The following CPM variants were observed in gnomAD, a reference collection of about 807,000 sequenced individuals.
CPM encodes carboxypeptidase M.
In CPM, 35 loss-of-function variants were observed where a neutral mutation model predicts 46.4. That is an observed-to-expected ratio of 0.75 (90% CI 0.58 to 1.00). CPM has a LOEUF of 1.00. CPM is among the 50% of genes least tolerant of loss of function. The probability of loss-of-function intolerance (pLI) is 0.00; values close to 1 mark genes in which losing one functional copy is unlikely to be tolerated. For missense variants in CPM, 422 were observed against 530.4 expected (o/e 0.80, Z 2.01); for synonymous variants, 195 against 195.3 (o/e 1.00, Z 0.01).
chr12:68,869,791 TA>T (rs1344034014), intron 5 of CPM, among the ~76,000 whole-genome samples: 2 of 152,144 alleles, frequency 1.3e-5, no homozygotes, highest in Admixed American at 6.5e-5. Context: ...TTAGGTATTA[TA>T]GGGGTGAATA....
chr12:68,889,893 C>T lies in CPM; in HGVS notation c.161-4004G>A, dbSNP rs368844539. The stretch of plus-strand genomic sequence containing the variant: ...ACCTACCCTGGACGAAGACATGTAC[C>T]CCTGATCGAGAAACAGGCCACCTGG... On this transcript the variant is annotated intron_variant, in intron 2 of 8. Coordinates refer to ENST00000551568, the MANE Select transcript of CPM (RefSeq NM_198320.5). Among the ~76,000 whole-genome samples the T allele has an allele frequency of 1.1e-4, 16 of 152,240 alleles. No individual in the cohort carries two copies. The East Asian group carries it at 2.3e-3, about 22-fold the overall frequency.
Position 68,931,763 on chromosome 12 carries a change from A to AAAAGAAAG in CPM, c.160+907_160+914dup, listed in dbSNP as rs1287718409. ...TCTGACCAAAAAAAAAAAAAAAAAA[A>AAAAGAAAG]AAAGAAAGAAAGAAAGAAAGAAAGA... is the stretch of plus-strand genomic sequence containing the variant. On this transcript the variant is annotated intron_variant, in intron 2 of 8. Transcript: ENST00000551568. Among the ~76,000 whole-genome samples the AAAAGAAAG allele has an allele frequency of 1.6e-3, 214 of 132,498 alleles. 1 individual carries two copies. Among genetic ancestry groups the AAAAGAAAG allele is most frequent in the Middle Eastern group, 4.1e-3 (1 of 246 alleles). The allele number at this position is 132,498 out of a possible 152,430, so 86.9% of individuals were successfully genotyped here. A position where few individuals can be genotyped will look rare whatever the true frequency, so the allele number is the denominator to read the frequency against.
intron 1 of CPM, among the ~76,000 whole-genome samples, chr12:68,958,818 G>A (rs987273938): frequency 1.4e-4 from 21 of 151,904 alleles, no homozygotes; most frequent in East Asian, 3.9e-4. Flanking sequence ...AACTATCCCC[G>A]CCTGCCTCTC....
chr12:68,882,354 T>G (rs1886232849), intron 3 of CPM, among the ~76,000 whole-genome samples: 1 of 152,114 alleles, frequency 6.6e-6, no homozygotes, highest in Admixed American at 6.6e-5. Context: ...GATTTTCTGT[T>G]TAGTTTGCTT....
At chr12:68,948,315 G>A (rs1888879835) in intron 1 of CPM, among the ~76,000 whole-genome samples, 1 of 152,178 alleles carries the variant, frequency 6.6e-6, no homozygotes, top group African/African-American at 2.4e-5. Flanking sequence ...TATCATTCGT[G>A]AGGAAGATGG....
chr12:68,939,142 T>C (rs561703091), intron 1 of CPM, among the ~76,000 whole-genome samples: 74 of 145,834 alleles, frequency 5.1e-4, no homozygotes, highest in Non-Finnish European at 9.3e-4. Flanking sequence ...TATATGTACA[T>C]ATATCTATAA....
chr12:68,924,107 C>T (rs909184827), intron 2 of CPM, among the ~76,000 whole-genome samples: 4 of 143,210 alleles, frequency 2.8e-5, no homozygotes, highest in Non-Finnish European at 6.0e-5. Flanking sequence ...CTCAGGAGTT[C>T]GAGACCAGCC....
Position 68,906,501 on chromosome 12 carries a change from T to A in CPM, c.161-20612A>T, listed in dbSNP as rs111537403. On this transcript the variant is annotated intron_variant, in intron 2 of 8. Transcript: ENST00000551568. ...AGAGCTCACTGTAGATTTTGTTTTT[T>A]TTTTGAGAGACAAAGTCTCACTCTG... is the stretch of plus-strand genomic sequence containing the variant. Among the ~76,000 whole-genome samples, 365 of 152,140 alleles carry A rather than the reference T, an allele frequency of 2.4e-3. 2 individuals carry two copies. Among genetic ancestry groups the A allele is most frequent in the African/African-American group, 8.3e-3 (343 of 41,488 alleles).
intron 3 of CPM, among the ~76,000 whole-genome samples, chr12:68,878,782 T>C (rs778076282): frequency 5.9e-5 from 9 of 152,240 alleles, no homozygotes; most frequent in Admixed American, 2.0e-4. Flanking sequence ...AATGAACCTG[T>C]TGGGCAGTTA....
At chr12:68,870,154 CAG>C (rs1885627005) in intron 5 of CPM, 59 bp downstream of exon 5, 2 of 1,516,284 alleles carry the variant, frequency 1.3e-6, no homozygotes, top group South Asian at 1.2e-5. Context: ...CATCCAGAGG[CAG>C]AGAGTTTTCA....
upstream of CPM, among the ~76,000 whole-genome samples, chr12:68,935,671 C>T (rs1888662934): frequency 1.3e-5 from 2 of 151,412 alleles, no homozygotes; most frequent in South Asian, 4.2e-4. Flanking sequence ...AGTCACTATG[C>T]TAAATGTTAT....
intron 1 of CPM, among the ~76,000 whole-genome samples, chr12:68,960,465 T>C (rs1889092256): frequency 6.6e-6 from 1 of 152,200 alleles, no homozygotes; most frequent in Admixed American, 6.5e-5. Context: ...AGTGTTAGTA[T>C]TGCAGTGCTC....
rs139491542 is a variant in CPM at position 68,951,222 on chromosome 12, A to T, written c.-4+11947T>A. Among the ~76,000 whole-genome samples the T allele has an allele frequency of 1.5e-3, 235 of 152,366 alleles. 2 individuals carry two copies. Among genetic ancestry groups the T allele is most frequent in the South Asian group, 0.015 (74 of 4,830 alleles). Reference sequence around the variant, plus strand: ...ATCCTTTCCTTTTAGGATTGTTGTGATATAATAAATAAAAATCACTTAACA... The same window carrying T: ...ATCCTTTCCTTTTAGGATTGTTGTGTTATAATAAATAAAAATCACTTAACA... On this transcript the variant is annotated intron_variant, in intron 1 of 8. Transcript: ENST00000546373.
At chr12:68,864,909 G>T (rs1885369018) in intron 7 of CPM, among the ~76,000 whole-genome samples, 1 of 152,148 alleles carries the variant, frequency 6.6e-6, no homozygotes, top group Admixed American at 6.5e-5. Flanking sequence ...CTACTTACTT[G>T]GGACACTGAG....
At chr12:68,859,166 T>C in intron 7 of CPM, 95 bp from the exon 8 acceptor site, 1 of 649,210 alleles carries the variant, frequency 1.5e-6, no homozygotes, top group Non-Finnish European at 2.2e-6. Context: ...CAATATTTAT[T>C]AGCTAACTCA....
At chr12:68,931,523 T>C (rs1888498953) in intron 2 of CPM, among the ~76,000 whole-genome samples, 1 of 151,550 alleles carries the variant, frequency 6.6e-6, no homozygotes, top group African/African-American at 2.4e-5. Context: ...AGCAGGAGGA[T>C]CACAAGGTCA....
intron 2 of CPM, among the ~76,000 whole-genome samples, chr12:68,890,431 C>A (rs7979363): frequency 0.13 from 19,327 of 151,552 alleles, 1,239 homozygotes; most frequent in Middle Eastern, 0.21. Flanking sequence ...AGGCACTCTG[C>A]TAAGCACTTT....
intron 1 of CPM, among the ~76,000 whole-genome samples, chr12:68,943,107 A>G (rs915838404): frequency 6.6e-6 from 1 of 152,168 alleles, no homozygotes; most frequent in Non-Finnish European, 1.5e-5. Flanking sequence ...ATTATATGTA[A>G]TAACTAAAAT....
Position 68,858,951 on chromosome 12 carries a change from A to T in CPM, c.1061T>A (p.Leu354His). The change falls in exon 8 of 9, where the codon CTT (leucine) becomes CAT (histidine). Residue 354 changes from leucine to histidine, a missense_variant. By Grantham distance (99) the Leu-to-His change is moderately conservative (BLOSUM62 -3). Coordinates refer to ENST00000551568, the MANE Select transcript of CPM (RefSeq NM_198320.5). ...RTNKYGEYYL[L>H]LLPGSYIINV... ...TATTATATAAGACCCAGGCAAGAGA[A>T]GGAGATAATACTCTCCATATTTGTT... 6.6e-7 allele frequency: 1 copy of T among 1,513,308 alleles called. No individual in the cohort carries two copies. The allele number at this position is 1,513,308 out of a possible 1,614,324, so 93.7% of individuals were successfully genotyped here.
Sources: allele counts gnomAD v4.1 joint callset (sites outside exome capture counted in the v4.1 genomes callset), GRCh38; gene constraint gnomAD v4.1.1; transcripts MANE v1.5; gene names NCBI Gene and HGNC (gene_info 2026-07-23, HGNC 2026-07-21).